RGS6: variants seen among roughly 807,000 people sequenced by gnomAD.
The protein encoded by RGS6 is regulator of G protein signaling 6.
A neutral mutation model predicts 78.5 loss-of-function variants in RGS6; 30 were observed. That is an observed-to-expected ratio of 0.38 (90% CI 0.29 to 0.52). RGS6 has a LOEUF of 0.52. Among genes scored for constraint, RGS6 ranks in the 20% least tolerant of loss-of-function variants. The pLI is 0.85. For synonymous variants in RGS6, 206 were observed against 206.0 expected, an observed-to-expected ratio of 1.00 and a Z score of 0.00; for missense variants, 495 against 609.7, an observed-to-expected ratio of 0.81 and a Z score of 1.98.
chr14:72,046,003 C>T (rs531304446), intron 2 of RGS6, among the ~76,000 whole-genome samples: 1 of 152,170 alleles, frequency 6.6e-6, no homozygotes, highest in Admixed American at 6.5e-5. Context: ...AATTCAGGTT[C>T]CCAAAAGTTT....
chr14:72,038,166 C>T lies in RGS6; in HGVS notation c.84+73291C>T, dbSNP rs184082695. On this transcript the variant is annotated intron_variant, in intron 2 of 17. Coordinates refer to ENST00000553525, the MANE Select transcript of RGS6 (RefSeq NM_001204424.2). The stretch of plus-strand genomic sequence containing the variant: ...TGTATTTTTAATAGAGACGAGGTTT[C>T]ACCATGTTGGCCAGTCTTGTCTTGA... Among the ~76,000 whole-genome samples the T allele has an allele frequency of 4.4e-3, 671 of 152,176 alleles. 7 individuals carry two copies. The highest frequency in any genetic ancestry group is 0.016 in the African/African-American group (646 of 41,528).
chr14:72,541,771 G>A (rs2097331035), intron 17 of RGS6, among the ~76,000 whole-genome samples: 1 of 152,244 alleles, frequency 6.6e-6, no homozygotes, highest in African/African-American at 2.4e-5. Context: ...TGACCGTGCA[G>A]GCCACGGGTG....
At chr14:72,494,361 C>T (rs1323325041) in intron 12 of RGS6, among the ~76,000 whole-genome samples, 1 of 151,774 alleles carries the variant, frequency 6.6e-6, no homozygotes, top group Non-Finnish European at 1.5e-5. Context: ...AAGATAAATT[C>T]TTGTCTAAAA....
chr14:72,044,763 C>A (rs1157554833), intron 2 of RGS6, among the ~76,000 whole-genome samples: 6 of 152,104 alleles, frequency 3.9e-5, no homozygotes, highest in Non-Finnish European at 8.8e-5. Flanking sequence ...ATCCCAGCTA[C>A]TTGGGAGGCT....
the RGS6 span, among the ~76,000 whole-genome samples, chr14:71,868,479 C>T: frequency 6.6e-6 from 1 of 152,202 alleles, no homozygotes; most frequent in East Asian, 1.9e-4. Context: ...TTCATTAAAC[C>T]AATTATATTT....
chr14:72,317,408 G>C (rs1455794812), intron 2 of RGS6, among the ~76,000 whole-genome samples: 1 of 152,108 alleles, frequency 6.6e-6, no homozygotes, highest in Admixed American at 6.5e-5. Flanking sequence ...AGAATTAAAA[G>C]GTCAATGATT....
intron 2 of RGS6, among the ~76,000 whole-genome samples, chr14:72,232,580 G>T (rs544011003): frequency 3.3e-5 from 5 of 152,298 alleles, no homozygotes; most frequent in African/African-American, 1.2e-4. Flanking sequence ...CACCTGGCAT[G>T]GGGTGGCATG....
intron 2 of RGS6, among the ~76,000 whole-genome samples, chr14:72,066,967 C>T (rs1268329501): frequency 2.0e-5 from 3 of 152,148 alleles, no homozygotes; most frequent in Non-Finnish European, 4.4e-5. Context: ...CAGCTTCATC[C>T]ATGTCCCTGC....
chr14:72,404,752 A>G (rs2092769329), intron 3 of RGS6, among the ~76,000 whole-genome samples: 1 of 152,172 alleles, frequency 6.6e-6, no homozygotes, highest in East Asian at 1.9e-4. Flanking sequence ...CACCATGGTT[A>G]CTGCAGCAGG....
intron 3 of RGS6, among the ~76,000 whole-genome samples, chr14:72,440,596 A>G (rs2095154980): frequency 6.6e-6 from 1 of 151,774 alleles, no homozygotes; most frequent in African/African-American, 2.4e-5. Context: ...TATTTTTAGT[A>G]TAGACGGGGT....
Position 72,047,604 on chromosome 14 carries a change from T to C in RGS6, c.84+82729T>C, listed in dbSNP as rs115900653. Among the ~76,000 whole-genome samples, 420 of 152,352 alleles carry C rather than the reference T, an allele frequency of 2.8e-3. 4 individuals are homozygous for C. The highest frequency in any genetic ancestry group is 8.9e-3 in the African/African-American group (369 of 41,574). On this transcript the variant is annotated intron_variant, in intron 2 of 17. Transcript: ENST00000553525. Reference sequence around the variant, plus strand: ...AGGCTGGACAAAGATCACTTTCTTATACGAGTCTGCAGTTCTTGAAATAAT... The same window carrying C: ...AGGCTGGACAAAGATCACTTTCTTACACGAGTCTGCAGTTCTTGAAATAAT...
At chr14:71,900,681 G>A in the RGS6 span, among the ~76,000 whole-genome samples, 16 of 152,238 alleles carry the variant, frequency 1.1e-4, no homozygotes, top group Admixed American at 8.5e-4. Flanking sequence ...AACAAGGATA[G>A]CACACAGAAC....
intron 7 of RGS6, 133 bp downstream of exon 7, chr14:72,465,955 A>G (rs2095899504): frequency 6.4e-6 from 4 of 625,984 alleles, no homozygotes; most frequent in South Asian, 2.2e-5. Context: ...AGTATCTTCT[A>G]TTTCTCCTCC....
chr14:72,274,447 G>A (rs894717489), intron 2 of RGS6, among the ~76,000 whole-genome samples: 1 of 152,114 alleles, frequency 6.6e-6, no homozygotes, highest in Admixed American at 6.5e-5. Flanking sequence ...TCCTCCCATG[G>A]CCCCCTAGCA....
intron 17 of RGS6, among the ~76,000 whole-genome samples, chr14:72,548,775 C>G (rs974348148): frequency 1.3e-5 from 2 of 152,042 alleles, no homozygotes; most frequent in South Asian, 2.1e-4. Context: ...TGGACACTTC[C>G]GGGTTGCTCC....
chr14:72,349,996 C>T (rs2078813948), intron 2 of RGS6, among the ~76,000 whole-genome samples: 1 of 152,154 alleles, frequency 6.6e-6, no homozygotes, highest in African/African-American at 2.4e-5. Flanking sequence ...TCTAGCTCTC[C>T]TTGGCTATCA....
chr14:72,615,877 C>A, the RGS6 span, among the ~76,000 whole-genome samples: 10 of 152,272 alleles, frequency 6.6e-5, no homozygotes, highest in African/African-American at 2.4e-4. Context: ...AAAATGCCTA[C>A]AGGAAACAGG....
intron 1 of RGS6, among the ~76,000 whole-genome samples, chr14:71,954,198 C>T (rs1937431799): frequency 6.6e-6 from 1 of 151,580 alleles, no homozygotes; most frequent in South Asian, 2.1e-4. Context: ...TTTTCTGGAT[C>T]TGTGATTTAT....
intron 3 of RGS6, among the ~76,000 whole-genome samples, chr14:72,353,543 G>C (rs1225423975): frequency 6.6e-6 from 1 of 152,220 alleles, no homozygotes; most frequent in Non-Finnish European, 1.5e-5. Flanking sequence ...GATTAGATCA[G>C]TGGTTTCCAG....
Sources: allele counts gnomAD v4.1 joint callset (sites outside exome capture counted in the v4.1 genomes callset), GRCh38; gene constraint gnomAD v4.1.1; transcripts MANE v1.5; gene names NCBI Gene and HGNC (gene_info 2026-07-23, HGNC 2026-07-21).